ABCA13: variants seen among roughly 807,000 people sequenced by gnomAD.
The protein encoded by ABCA13 is ATP binding cassette subfamily A member 13, also known as ATP-binding cassette sub-family A member 13.
ABCA13 carries 476 observed loss-of-function variants against 478.7 expected under a neutral mutation model. The ratio of observed to expected loss-of-function variants is 0.99; its 90% CI spans 0.92 to 1.07. The LOEUF is 1.07. Among genes scored for constraint, ABCA13 ranks in the 50% least tolerant of loss-of-function variants. The probability of loss-of-function intolerance (pLI) is 0.00; values close to 1 mark genes in which losing one functional copy is unlikely to be tolerated. For missense variants in ABCA13, 6,060 were observed against 5,910.6 expected, an observed-to-expected ratio of 1.03 and a Z score of -0.83; for synonymous variants, 2,252 against 2,158.9, an observed-to-expected ratio of 1.04 and a Z score of -1.20.
intron 15 of ABCA13, among the ~76,000 whole-genome samples, chr7:48,252,884 G>A (rs1020264491): frequency 6.6e-6 from 1 of 151,944 alleles, no homozygotes; most frequent in Non-Finnish European, 1.5e-5. Context: ...GTCTTGATAC[G>A]TTCTCTTGAG....
At chr7:48,390,034 C>T (rs954770603) in intron 37 of ABCA13, among the ~76,000 whole-genome samples, 4 of 152,046 alleles carry the variant, frequency 2.6e-5, no homozygotes, top group African/African-American at 9.7e-5. Flanking sequence ...TTATTTGTTC[C>T]TTGGATACAG....
chr7:48,467,585 T>C (rs908643645), intron 44 of ABCA13, among the ~76,000 whole-genome samples: 22 of 152,310 alleles, frequency 1.4e-4, no homozygotes, highest in Middle Eastern at 3.4e-3. Context: ...TATAAACACT[T>C]ATTTCCCTCT....
chr7:48,640,559 A>T (rs1795031431), intron 59 of ABCA13, among the ~76,000 whole-genome samples: 1 of 152,206 alleles, frequency 6.6e-6, no homozygotes. Context: ...TTAATCACCG[A>T]TTATACAAAT....
chr7:48,199,417 C>A (rs551630808), intron 3 of ABCA13, among the ~76,000 whole-genome samples: 1 of 152,158 alleles, frequency 6.6e-6, no homozygotes, highest in Non-Finnish European at 1.5e-5. Flanking sequence ...CACCTTCCAG[C>A]TGTGTTCTCA....
In ABCA13 at chr7:48,520,012, G is replaced by T. The variant is rs774373708; in HGVS notation, c.13798-29G>T. The T allele has an allele frequency of 1.3e-5, 20 of 1,571,966 alleles. No individual in the cohort carries two copies. In the South Asian group the frequency reaches 1.9e-4, roughly 15 times the overall value. On this transcript the variant is annotated intron_variant, in intron 52 of 61. Coordinates refer to ENST00000435803, the MANE Select transcript of ABCA13 (RefSeq NM_152701.5). Reference sequence around the variant, plus strand: ...ATGAAAAGGGGAATAGCTTTTAATTGGATTTTTTTTCTTTTTTTCACTGTG... The same window carrying T: ...ATGAAAAGGGGAATAGCTTTTAATTTGATTTTTTTTCTTTTTTTCACTGTG...
intron 42 of ABCA13, among the ~76,000 whole-genome samples, chr7:48,429,401 T>G (rs539042690): frequency 6.6e-6 from 1 of 152,348 alleles, no homozygotes; most frequent in African/African-American, 2.4e-5. Flanking sequence ...ATATGAAGTT[T>G]CTAATTTCTC....
At chr7:48,596,982 T>C (rs1178939514) in intron 58 of ABCA13, among the ~76,000 whole-genome samples, 1 of 151,564 alleles carries the variant, frequency 6.6e-6, no homozygotes, top group African/African-American at 2.4e-5. Context: ...GACAGAGTCT[T>C]GCTCAGTCAC....
At chr7:48,305,551 G>A (rs1442154333) in intron 23 of ABCA13, among the ~76,000 whole-genome samples, 1 of 152,130 alleles carries the variant, frequency 6.6e-6, no homozygotes, top group African/African-American at 2.4e-5. Context: ...ATCACTGTCC[G>A]TGTTTCCCTT....
At chr7:48,308,107 A>G (rs1432749325) in intron 23 of ABCA13, among the ~76,000 whole-genome samples, 2 of 151,350 alleles carry the variant, frequency 1.3e-5, no homozygotes, top group East Asian at 1.9e-4. Flanking sequence ...GCTTTTTTCT[A>G]TTTTAAGTTT....
intron 55 of ABCA13, among the ~76,000 whole-genome samples, chr7:48,548,287 A>G (rs966546518): frequency 6.6e-6 from 1 of 151,886 alleles, no homozygotes; most frequent in Non-Finnish European, 1.5e-5. Flanking sequence ...ACGCAGTGGT[A>G]TTAGAAAACT....
At chr7:48,545,423 A>G (rs958436877) in intron 55 of ABCA13, among the ~76,000 whole-genome samples, 1 of 151,776 alleles carries the variant, frequency 6.6e-6, no homozygotes, top group African/African-American at 2.4e-5. Flanking sequence ...AAATTTGACT[A>G]CCTGTGATCT....
intron 42 of ABCA13, among the ~76,000 whole-genome samples, chr7:48,444,334 C>G (rs962369034): frequency 6.6e-6 from 1 of 152,184 alleles, no homozygotes; most frequent in African/African-American, 2.4e-5. Context: ...ATCGTCGTCT[C>G]TCACTTGAGC....
chr7:48,243,727 A>G (rs989078402), intron 10 of ABCA13, among the ~76,000 whole-genome samples: 18 of 152,252 alleles, frequency 1.2e-4, no homozygotes, highest in Non-Finnish European at 1.5e-5. Context: ...ACTGACCACT[A>G]TGGCACAGAA....
At chr7:48,426,879 C>A (rs1821496189) in intron 41 of ABCA13, among the ~76,000 whole-genome samples, 1 of 152,134 alleles carries the variant, frequency 6.6e-6, no homozygotes. Flanking sequence ...ATCATCATCT[C>A]TGTTTTATTA....
In ABCA13 at chr7:48,271,763, A is replaced by G. The variant is rs557987105; in HGVS notation, c.2121-24A>G. On this transcript the variant is annotated intron_variant, in intron 16 of 61. Coordinates refer to ENST00000435803, the MANE Select transcript of ABCA13 (RefSeq NM_152701.5). The stretch of plus-strand genomic sequence containing the variant: ...CAAATTTATTTTTTTATTTTATACT[A>G]AAATAATTCTATTAATATTACAGGG... 17 of 1,254,738 alleles carry G rather than the reference A, an allele frequency of 1.4e-5. No homozygotes were observed. In the East Asian group the frequency reaches 4.6e-4, roughly 34 times the overall value. 77.7% of individuals were successfully genotyped at this position (1,254,738 alleles called of 1,614,324 possible).
At chr7:48,446,258 A>C (rs911469485) in intron 42 of ABCA13, among the ~76,000 whole-genome samples, 1 of 152,120 alleles carries the variant, frequency 6.6e-6, no homozygotes, top group Admixed American at 6.5e-5. Context: ...TGTGGCCACT[A>C]CTATGAGAAA....
chr7:48,355,488 G>T (rs1167770203), intron 31 of ABCA13, among the ~76,000 whole-genome samples: 1 of 152,004 alleles, frequency 6.6e-6, no homozygotes, highest in Non-Finnish European at 1.5e-5. Flanking sequence ...CTGCTGGAGA[G>T]TTTCGAGCAG....
At position 48,587,286 on chromosome 7, in the gene ABCA13, T is replaced by C. The variant is rs550126463; in HGVS notation, c.14638T>C (p.Leu4880=). 2.5e-5 allele frequency: 40 copies of C among 1,603,018 alleles called. No individual in the cohort carries two copies. In the South Asian group the frequency reaches 3.0e-4, roughly 12 times the overall value. ...ALVGKPDILL[L]DEPSSGMDPC... ...GGTGGGGAAACCTGACATTCTTTTA[T>C]TGGTGAGTAGAAGAATGTCAATATC... Residue 4880 remains leucine, a splice_region_variant and synonymous_variant, in exon 57 of 62, where the codon TTG becomes CTG. Coordinates refer to ENST00000435803, the MANE Select transcript of ABCA13 (RefSeq NM_152701.5).
chr7:48,300,680 C>T (rs1563001330), intron 23 of ABCA13, among the ~76,000 whole-genome samples: 1 of 152,158 alleles, frequency 6.6e-6, no homozygotes, highest in African/African-American at 2.4e-5. Flanking sequence ...ATTTTTCTTT[C>T]CTGCCCTCTT....
Sources: allele counts gnomAD v4.1 joint callset (sites outside exome capture counted in the v4.1 genomes callset), GRCh38; gene constraint gnomAD v4.1.1; transcripts MANE v1.5; gene names NCBI Gene and HGNC (gene_info 2026-07-23, HGNC 2026-07-21).